Variants in LRCH1 observed in about 807,000 individuals in gnomAD.
LRCH1 encodes the protein leucine rich repeats and calponin homology domain containing 1.
Under a neutral mutation model 94.9 loss-of-function variants are expected in LRCH1, and 23 were observed. That is an observed-to-expected ratio of 0.24 (90% CI 0.17 to 0.34). The LOEUF (loss-of-function observed/expected upper bound fraction) is 0.34, where lower values mean the gene tolerates loss of function less well. Among genes scored for constraint, LRCH1 ranks in the 10% least tolerant of loss-of-function variants. The pLI is 1.00. For synonymous variants in LRCH1, 364 were observed against 354.9 expected, an observed-to-expected ratio of 1.03 and a Z score of -0.29; for missense variants, 790 against 945.9, an observed-to-expected ratio of 0.84 and a Z score of 2.16.
At chr13:46,625,915 A>G (rs796449680) in intron 1 of LRCH1, among the ~76,000 whole-genome samples, 5 of 152,130 alleles carry the variant, frequency 3.3e-5, no homozygotes, top group African/African-American at 1.2e-4. Flanking sequence ...AGCCTCCCAA[A>G]TTGCTGGGAT....
intron 13 of LRCH1, among the ~76,000 whole-genome samples, chr13:46,708,757 C>T (rs1465519152): frequency 6.6e-6 from 1 of 152,232 alleles, no homozygotes; most frequent in African/African-American, 2.4e-5. Flanking sequence ...ATTTTCCCAT[C>T]AGCAAAGGTG....
chr13:46,662,138 A>G lies in LRCH1; in HGVS notation c.453-6892A>G, dbSNP rs2051456752. On this transcript the variant is annotated intron_variant, in intron 2 of 19. Transcript: ENST00000389797. Reference sequence around the variant, plus strand: ...AGGCAGGAGAATCGCTTGAAAATGTATGTTTTCTAGGCTTTGGTAGGTGGT... The same window carrying G: ...AGGCAGGAGAATCGCTTGAAAATGTGTGTTTTCTAGGCTTTGGTAGGTGGT... Among the ~76,000 whole-genome samples the G allele has an allele frequency of 3.3e-5, 5 of 152,190 alleles. No homozygotes were observed. The South Asian group carries it at 1.0e-3, about 32-fold the overall frequency.
intron 1 of LRCH1, among the ~76,000 whole-genome samples, chr13:46,564,670 C>G (rs542806489): frequency 2.6e-5 from 4 of 152,248 alleles, no homozygotes; most frequent in Admixed American, 1.3e-4. Context: ...GGAACTTAGA[C>G]ACTTCTCTAT....
chr13:46,645,105 A>AG (rs35014736), intron 1 of LRCH1, among the ~76,000 whole-genome samples: 1 of 151,932 alleles, frequency 6.6e-6, no homozygotes, highest in African/African-American at 2.4e-5. Context: ...AAAGATAAGA[A>AG]GGGGGGAGAG....
chr13:46,733,569 G>A (rs372007687), intron 18 of LRCH1, among the ~76,000 whole-genome samples: 96 of 152,022 alleles, frequency 6.3e-4, no homozygotes, highest in African/African-American at 1.8e-3. Flanking sequence ...ATAAACATAC[G>A]TGTGTATACA....
chr13:46,646,057 A>G (rs549451577), intron 1 of LRCH1, among the ~76,000 whole-genome samples: 21 of 152,334 alleles, frequency 1.4e-4, no homozygotes, highest in Admixed American at 2.6e-4. Flanking sequence ...CACTATGTCT[A>G]GTAAAGTGTT....
At chr13:46,590,282 C>A (rs780447865) in intron 1 of LRCH1, among the ~76,000 whole-genome samples, 4 of 152,156 alleles carry the variant, frequency 2.6e-5, no homozygotes, top group Non-Finnish European at 4.4e-5. Context: ...TGTCCTCCCC[C>A]CTTCACCCTA....
intron 15 of LRCH1, among the ~76,000 whole-genome samples, chr13:46,713,145 C>T (rs1872157580): frequency 6.6e-6 from 1 of 152,180 alleles, no homozygotes; most frequent in Non-Finnish European, 1.5e-5. Context: ...AGTTTATTCA[C>T]AAAAGTAAAT....
At chr13:46,676,533 C>T (rs552505765) in intron 3 of LRCH1, among the ~76,000 whole-genome samples, 1 of 152,234 alleles carries the variant, frequency 6.6e-6, no homozygotes, top group African/African-American at 2.4e-5. Context: ...CACAAAAGGG[C>T]ATGGCTACGT....
At chr13:46,625,632 GTTTTTTT>G (rs3040224) in intron 1 of LRCH1, among the ~76,000 whole-genome samples, 1 of 127,202 alleles carries the variant, frequency 7.9e-6, no homozygotes, top group Admixed American at 8.4e-5. Flanking sequence ...AATGTGTGGG[GTTTTTTT>G]TTTTTTTTTT....
At chr13:46,634,583 C>T (rs530168566) in intron 1 of LRCH1, among the ~76,000 whole-genome samples, 2 of 152,366 alleles carry the variant, frequency 1.3e-5, no homozygotes, top group South Asian at 2.1e-4. Flanking sequence ...TATCCAGAGG[C>T]TCAGCTTACA....
intron 17 of LRCH1, among the ~76,000 whole-genome samples, chr13:46,726,915 C>T (rs1284026365): frequency 1.4e-5 from 2 of 143,472 alleles, no homozygotes; most frequent in East Asian, 2.0e-4. Context: ...TAAATAGGAT[C>T]CAGAGTCTCA....
In LRCH1 at chr13:46,638,780, T is replaced by TA. The variant is rs1403345266; in HGVS notation, c.308-11417dup. 6.6e-5 allele frequency among the ~76,000 whole-genome samples: 10 copies of TA among 152,352 alleles called. 1 individual carries two copies. The highest frequency in any genetic ancestry group is 5.9e-4 in the Admixed American group (9 of 15,310). On this transcript the variant is annotated intron_variant, in intron 1 of 19. Transcript: ENST00000389797. ...AAATAAAAAAAGTTTGATATGCCAC[T>TA]AAAAGGCTTTTTTAAATAGGAGAGA...
At chr13:46,752,293 G>C (rs1444073468) in exon 19 of LRCH1, 1 of 152,266 alleles carries the variant, frequency 6.6e-6, no homozygotes, top group East Asian at 1.9e-4. Flanking sequence ...GAAGTTTTTA[G>C]AGCAGCAGCA....
intron 13 of LRCH1, chr13:46,705,531 A>G (rs566253421): frequency 2.9e-5 from 18 of 627,192 alleles, no homozygotes; most frequent in Non-Finnish European, 3.7e-5. Flanking sequence ...GGCTATTTCT[A>G]TTAGATTCTG....
At chr13:46,748,672 A>G (rs1325821310), downstream of LRCH1, among the ~76,000 whole-genome samples, 1 of 152,160 alleles carries the variant, frequency 6.6e-6, no homozygotes, top group Non-Finnish European at 1.5e-5. Context: ...ATCCTTTCTC[A>G]GGTTGATACT....
intron 1 of LRCH1, among the ~76,000 whole-genome samples, chr13:46,645,913 C>T (rs930918552): frequency 1.3e-5 from 2 of 151,582 alleles, no homozygotes; most frequent in African/African-American, 4.8e-5. Flanking sequence ...TAGTATAGTT[C>T]TAGCAATTCT....
intron 1 of LRCH1, among the ~76,000 whole-genome samples, chr13:46,645,715 T>C (rs1402781840): frequency 1.3e-5 from 2 of 152,190 alleles, no homozygotes; most frequent in Admixed American, 1.3e-4. Context: ...GTTTCTATTA[T>C]TAATTTTATG....
Position 46,623,684 on chromosome 13 carries a change from CCT to C in LRCH1, c.308-26516_308-26515del, listed in dbSNP as rs560541338. ...TTGACTCAAAGAATAATTTGTGTAC[CCT>C]GTCTCTGTTTTTTTTTTTTTTCTTT... On this transcript the variant is annotated intron_variant, in intron 1 of 19. Transcript: ENST00000389797. Among the ~76,000 whole-genome samples the C allele has an allele frequency of 1.4e-3, 185 of 134,448 alleles. 1 individual carries two copies. Among genetic ancestry groups the C allele is most frequent in the African/African-American group, 4.6e-3 (165 of 35,668 alleles). 88.2% of individuals were successfully genotyped at this position (134,448 alleles called of 152,430 possible).
Sources: gnomAD v4.1 joint callset for allele counts (sites outside exome capture counted in the v4.1 genomes callset) on GRCh38, gnomAD v4.1.1 for gene constraint, MANE v1.5 for transcripts, NCBI Gene and HGNC (gene_info 2026-07-23, HGNC 2026-07-21) for gene names.